Variants in ARHGAP15 observed in about 807,000 individuals in gnomAD.
ARHGAP15 encodes the protein Rho GTPase activating protein 15, also known as rho GTPase-activating protein 15.
In ARHGAP15, 51 loss-of-function variants were observed where a neutral mutation model predicts 63.7. The ratio of observed to expected loss-of-function variants is 0.80; its 90% CI spans 0.64 to 1.01. The LOEUF (loss-of-function observed/expected upper bound fraction) is 1.01. ARHGAP15 is among the 50% of genes least tolerant of loss of function. The pLI is 0.00. For missense variants in ARHGAP15, 560 were observed against 564.6 expected (o/e 0.99, Z 0.08); for synonymous variants, 191 against 193.8 (o/e 0.99, Z 0.12).
rs1489611027 is a variant in ARHGAP15, at chr2:143,266,291, ATTAATTT to A, written c.474+15694_474+15700del. Among the ~76,000 whole-genome samples the A allele has an allele frequency of 3.3e-5, 5 of 152,284 alleles. No individual in the cohort carries two copies. The East Asian group carries it at 7.7e-4, about 23-fold the overall frequency. On this transcript the variant is annotated intron_variant, in intron 6 of 13. Coordinates refer to ENST00000295095, the MANE Select transcript of ARHGAP15 (RefSeq NM_018460.4). ...AATTTATCTTCTAAAGTCAAGCAAA[ATTAATTT>A]TTTCAATATAATACAAATCAAACTA...
chr2:143,266,803 TACTA>T (rs1287265908), intron 6 of ARHGAP15, among the ~76,000 whole-genome samples: 3 of 152,100 alleles, frequency 2.0e-5, no homozygotes, highest in Non-Finnish European at 4.4e-5. Flanking sequence ...ATGAAGAAAA[TACTA>T]ACAGGACAAT....
At chr2:143,723,918 G>C (rs1012503281) in intron 13 of ARHGAP15, among the ~76,000 whole-genome samples, 1 of 152,164 alleles carries the variant, frequency 6.6e-6, no homozygotes, top group African/African-American at 2.4e-5. Context: ...GATAGGTTAA[G>C]AGAATCTAAA....
chr2:143,516,820 A>T (rs529902199), intron 9 of ARHGAP15, among the ~76,000 whole-genome samples: 3 of 152,240 alleles, frequency 2.0e-5, no homozygotes, highest in Non-Finnish European at 4.4e-5. Flanking sequence ...TTACTTGACC[A>T]AAGTATTCAA....
intron 8 of ARHGAP15, among the ~76,000 whole-genome samples, chr2:143,483,395 C>T (rs1414636932): frequency 1.3e-5 from 2 of 152,070 alleles, no homozygotes; most frequent in Non-Finnish European, 2.9e-5. Flanking sequence ...AAAAATATAC[C>T]GTGCTTGGCC....
chr2:143,200,500 A>G (rs951516831), intron 2 of ARHGAP15, among the ~76,000 whole-genome samples: 3 of 151,644 alleles, frequency 2.0e-5, no homozygotes, highest in Admixed American at 6.6e-5. Flanking sequence ...TAGACATAGT[A>G]CTCAGGTCTG....
intron 11 of ARHGAP15, among the ~76,000 whole-genome samples, chr2:143,602,813 C>T (rs1469094931): frequency 6.6e-6 from 1 of 152,048 alleles, no homozygotes; most frequent in Non-Finnish European, 1.5e-5. Flanking sequence ...GAGTGTTATT[C>T]CTCCAATACA....
At chr2:143,694,480 T>C (rs567100398) in intron 12 of ARHGAP15, among the ~76,000 whole-genome samples, 2 of 152,264 alleles carry the variant, frequency 1.3e-5, no homozygotes, top group Admixed American at 6.5e-5. Context: ...TTTTTTCCGA[T>C]GATAACAGTA....
intron 8 of ARHGAP15, among the ~76,000 whole-genome samples, chr2:143,468,220 A>T (rs1453726002): frequency 6.6e-6 from 1 of 151,788 alleles, no homozygotes; most frequent in African/African-American, 2.4e-5. Context: ...CATCTTATTC[A>T]TCATATTTAA....
intron 6 of ARHGAP15, among the ~76,000 whole-genome samples, chr2:143,413,526 A>C (rs1372660156): frequency 1.3e-5 from 2 of 152,232 alleles, no homozygotes; most frequent in Non-Finnish European, 2.9e-5. Flanking sequence ...AATCAATAAC[A>C]GCTGTAATAA....
At chr2:143,329,597 CT>C (rs1684413886) in intron 6 of ARHGAP15, among the ~76,000 whole-genome samples, 1 of 152,132 alleles carries the variant, frequency 6.6e-6, no homozygotes, top group African/African-American at 2.4e-5. Flanking sequence ...GCACAGACTT[CT>C]AACCCATGGA....
At chr2:143,763,689 T>C (rs1686845588) in intron 13 of ARHGAP15, among the ~76,000 whole-genome samples, 1 of 148,214 alleles carries the variant, frequency 6.7e-6, no homozygotes. Flanking sequence ...ATTGCATATG[T>C]ATATGTATGT....
chr2:143,424,252 T>G (rs1689053120), intron 6 of ARHGAP15, among the ~76,000 whole-genome samples: 1 of 152,144 alleles, frequency 6.6e-6, no homozygotes, highest in African/African-American at 2.4e-5. Flanking sequence ...AGGAGTTTAC[T>G]GATGAGTGGA....
Position 143,445,153 on chromosome 2 carries a change from A to ACT in ARHGAP15, c.703+8111_703+8112insCT, listed in dbSNP as rs765945989. ...TTGAAGTCAAAGATTAAGAACAATT[A>ACT]TTTTTTTTTTTTTTTTTTTTTTTTT... is the stretch of plus-strand genomic sequence containing the variant. On this transcript the variant is annotated intron_variant, in intron 8 of 13. Coordinates refer to ENST00000295095, the MANE Select transcript of ARHGAP15 (RefSeq NM_018460.4). Among the ~76,000 whole-genome samples the ACT allele has an allele frequency of 1.7e-4, 13 of 74,424 alleles. 1 individual carries two copies. The highest frequency in any genetic ancestry group is 4.3e-4 in the African/African-American group (8 of 18,480). The allele number at this position is 74,424 out of a possible 152,430, so 48.8% of individuals were successfully genotyped here. A position where few individuals can be genotyped will look rare whatever the true frequency, so the allele number is the denominator to read the frequency against.
chr2:143,560,661 G>A (rs1201716287), intron 11 of ARHGAP15, among the ~76,000 whole-genome samples: 1 of 152,210 alleles, frequency 6.6e-6, no homozygotes, highest in Non-Finnish European at 1.5e-5. Flanking sequence ...GGTAACTGAT[G>A]AGTACTACCG....
At chr2:143,328,929 C>A (rs1437216224) in intron 6 of ARHGAP15, among the ~76,000 whole-genome samples, 1 of 152,172 alleles carries the variant, frequency 6.6e-6, no homozygotes, top group African/African-American at 2.4e-5. Context: ...ATGCCTGTAT[C>A]AAAATATCTC....
intron 6 of ARHGAP15, among the ~76,000 whole-genome samples, chr2:143,379,345 A>G (rs2381470): frequency 0.62 from 92,582 of 148,476 alleles, 28,588 homozygotes; most frequent in African/African-American, 0.68. Context: ...TTTTAGGCAT[A>G]TATATATATA....
At chr2:143,496,573 T>C (rs191971730) in intron 9 of ARHGAP15, among the ~76,000 whole-genome samples, 1 of 152,324 alleles carries the variant, frequency 6.6e-6, no homozygotes, top group East Asian at 1.9e-4. Flanking sequence ...ACCTACAAAA[T>C]GGTTTTACCA....
chr2:143,496,029 G>A (rs1574531000), intron 9 of ARHGAP15, among the ~76,000 whole-genome samples: 1 of 152,144 alleles, frequency 6.6e-6, no homozygotes, highest in African/African-American at 2.4e-5. Context: ...AAATTGAACT[G>A]TGATCTTTAC....
intron 6 of ARHGAP15, among the ~76,000 whole-genome samples, chr2:143,253,545 G>A (rs1680267432): frequency 6.6e-6 from 1 of 151,852 alleles, no homozygotes; most frequent in Admixed American, 6.6e-5. Context: ...ATTAAGTTTT[G>A]GTATTCAACA....
Sources: allele counts gnomAD v4.1 joint callset (sites outside exome capture counted in the v4.1 genomes callset), GRCh38; gene constraint gnomAD v4.1.1; transcripts MANE v1.5; gene names NCBI Gene and HGNC (gene_info 2026-07-23, HGNC 2026-07-21).